Variants in DNM1L observed in about 807,000 individuals in gnomAD.
DNM1L encodes the protein dynamin-1-like protein.
DNM1L carries 33 observed loss-of-function variants against 92.8 expected under a neutral mutation model. The observed-to-expected ratio is 0.36, with a 90% CI of 0.27 to 0.48. The LOEUF (loss-of-function observed/expected upper bound fraction) is 0.48, where lower values mean the gene tolerates loss of function less well. Among genes scored for constraint, DNM1L ranks in the 20% least tolerant of loss-of-function variants. The pLI, the probability that DNM1L is intolerant of heterozygous loss-of-function variation, is 0.99. For missense variants in DNM1L, 485 were observed against 888.8 expected (o/e 0.55, Z 5.78); for synonymous variants, 284 against 305.0 (o/e 0.93, Z 0.72).
intron 9 of DNM1L, among the ~76,000 whole-genome samples, chr12:32,724,104 A>C (rs755374791): frequency 3.9e-5 from 6 of 152,226 alleles, no homozygotes; most frequent in Non-Finnish European, 7.3e-5. Context: ...GAGGTATTGT[A>C]AATGTGGCAC....
At chr12:32,725,593 C>G (rs187631376) in intron 9 of DNM1L, 2 of 152,134 alleles carry the variant, frequency 1.3e-5, no homozygotes, top group East Asian at 3.9e-4. Flanking sequence ...AATTCTTAAC[C>G]ATATAGTTGT....
chr12:32,704,160 G>T (rs1952823253), intron 2 of DNM1L, among the ~76,000 whole-genome samples: 2 of 152,114 alleles, frequency 1.3e-5, no homozygotes, highest in Middle Eastern at 3.4e-3. Flanking sequence ...TCTGAACAGT[G>T]TCAGTAGAAA....
chr12:32,729,830 C>T (rs912486344), intron 9 of DNM1L, among the ~76,000 whole-genome samples: 1 of 152,018 alleles, frequency 6.6e-6, no homozygotes, highest in Non-Finnish European at 1.5e-5. Context: ...CAGTATTTGT[C>T]CTTTTGTGCT....
intron 1 of DNM1L, among the ~76,000 whole-genome samples, chr12:32,691,282 AGGCT>A (rs1952222143): frequency 6.6e-6 from 1 of 152,098 alleles, no homozygotes; most frequent in Non-Finnish European, 1.5e-5. Context: ...CTCTGTCGCC[AGGCT>A]GGAGTGCAGA....
At chr12:32,728,009 C>T (rs1954266974) in intron 9 of DNM1L, among the ~76,000 whole-genome samples, 1 of 152,202 alleles carries the variant, frequency 6.6e-6, no homozygotes, top group African/African-American at 2.4e-5. Context: ...TCTCTACACC[C>T]TCATTAGAAC....
intron 8 of DNM1L, 108 bp downstream of exon 8, chr12:32,720,903 A>T (rs1953771228): frequency 2.1e-6 from 3 of 1,431,698 alleles, no homozygotes; most frequent in Non-Finnish European, 2.9e-6. Context: ...TAACAGCTTC[A>T]CTTATGGTTT....
chr12:32,716,741 A>AATAT (rs1565516248), intron 6 of DNM1L, among the ~76,000 whole-genome samples: 9 of 119,796 alleles, frequency 7.5e-5, no homozygotes, highest in Non-Finnish European at 1.4e-4. Flanking sequence ...CACTATATAT[A>AATAT]GTATATATAT....
intron 1 of DNM1L, among the ~76,000 whole-genome samples, chr12:32,687,474 A>G (rs576003638): frequency 5.9e-5 from 9 of 151,996 alleles, no homozygotes; most frequent in South Asian, 2.1e-4. Context: ...ACAGGGTCTC[A>G]CTCTGTCACC....
At chr12:32,724,326 C>A (rs1489983215) in intron 9 of DNM1L, among the ~76,000 whole-genome samples, 1 of 151,882 alleles carries the variant, frequency 6.6e-6, no homozygotes, top group Non-Finnish European at 1.5e-5. Context: ...GCCTGTAATC[C>A]CAGCACTTTG....
At chr12:32,697,089 TGTG>T (rs1227746295) in intron 1 of DNM1L, among the ~76,000 whole-genome samples, 1 of 151,154 alleles carries the variant, frequency 6.6e-6, no homozygotes, top group African/African-American at 2.4e-5. Context: ...ATTAGCCAGG[TGTG>T]GTGGCATGTA....
intron 18 of DNM1L, among the ~76,000 whole-genome samples, chr12:32,742,326 A>G (rs1336192582): frequency 1.3e-5 from 2 of 151,884 alleles, no homozygotes; most frequent in Non-Finnish European, 2.9e-5. Context: ...CTGCTGTCAA[A>G]CTCCTGGCCT....
rs1427821059 is a variant in DNM1L, at chr12:32,743,284, A to G, written c.2155-70A>G. ...CTACCACATATATATTGGAAAAATTACCCTGCGTAATTCAGATTAATTTCA... is the reference window on the plus strand; with the variant it reads ...CTACCACATATATATTGGAAAAATTGCCCTGCGTAATTCAGATTAATTTCA... On this transcript the variant is annotated intron_variant, in intron 19 of 19. Coordinates refer to ENST00000549701, the MANE Select transcript of DNM1L (RefSeq NM_012062.5). 1.8e-5 allele frequency: 25 copies of G among 1,390,410 alleles called. No homozygotes were observed. The Admixed American group carries it at 4.5e-4, about 25-fold the overall frequency. 86.1% of individuals were successfully genotyped at this position (1,390,410 alleles called of 1,614,324 possible).
chr12:32,687,711 A>G (rs181491107), intron 1 of DNM1L, among the ~76,000 whole-genome samples: 1 of 152,172 alleles, frequency 6.6e-6, no homozygotes, highest in African/African-American at 2.4e-5. Flanking sequence ...CGGCCTCCCA[A>G]AGTGCTGGGA....
At chr12:32,686,097 C>T (rs1952003023) in intron 1 of DNM1L, among the ~76,000 whole-genome samples, 1 of 128,638 alleles carries the variant, frequency 7.8e-6, no homozygotes, top group Admixed American at 9.6e-5. Context: ...GTTGCCCAGG[C>T]TGGAGTGCAA....
In DNM1L at chr12:32,686,928, CTTTTTTTTCTTTTTT is replaced by C. The variant is rs367962847; in HGVS notation, c.102+7472_102+7486del. ...TCTTATTGTTGAGGTTGTAAGAGTT[CTTTTTTTTCTTTTTT>C]TTTTTTTTTTTTTGAGATGGAGTCT... On this transcript the variant is annotated intron_variant, in intron 1 of 19. Transcript: ENST00000549701. Among the ~76,000 whole-genome samples the C allele has an allele frequency of 2.7e-3, 334 of 121,636 alleles. 4 individuals are homozygous for C. In the Middle Eastern group the frequency reaches 0.028, roughly 10 times the overall value. 79.8% of individuals were successfully genotyped at this position (121,636 alleles called of 152,430 possible).
chr12:32,729,961 G>A (rs191675476), intron 9 of DNM1L, among the ~76,000 whole-genome samples: 360 of 152,156 alleles, frequency 2.4e-3, no homozygotes, highest in Non-Finnish European at 2.3e-3. Context: ...GCATTATAAA[G>A]GTATTTGTAG....
At chr12:32,686,247 A>G (rs968270556) in intron 1 of DNM1L, among the ~76,000 whole-genome samples, 1 of 152,022 alleles carries the variant, frequency 6.6e-6, no homozygotes, top group Non-Finnish European at 1.5e-5. Context: ...GGGTTTCTCC[A>G]TGTTGGTCAG....
chr12:32,706,059 A>G (rs1296378138), intron 2 of DNM1L: 2 of 464,662 alleles, frequency 4.3e-6, no homozygotes, highest in African/African-American at 4.1e-5. Context: ...GGTGAATGTA[A>G]TTTATTTTAT....
rs1234936490 is a variant in DNM1L at position 32,744,327 on chromosome 12, G to C, written c.*917G>C. The C allele has an allele frequency of 6.5e-6, 1 of 153,724 alleles. No homozygotes were observed. The highest frequency in any genetic ancestry group is 1.4e-5 in the Non-Finnish European group (1 of 69,298). 9.5% of individuals were successfully genotyped at this position (153,724 alleles called of 1,614,324 possible). A position where few individuals can be genotyped will look rare whatever the true frequency, so the allele number is the denominator to read the frequency against. On this transcript the variant is annotated 3_prime_UTR_variant, in exon 20 of 20. Transcript: ENST00000549701. ...GGAACTTAAAACCAGTGTACTGTATGTATGCATTGGTAATAGCTACTTTTG... is the reference window on the plus strand; with the variant it reads ...GGAACTTAAAACCAGTGTACTGTATCTATGCATTGGTAATAGCTACTTTTG...
Sources: allele counts gnomAD v4.1 joint callset (sites outside exome capture counted in the v4.1 genomes callset), GRCh38; gene constraint gnomAD v4.1.1; transcripts MANE v1.5; gene names NCBI Gene and HGNC (gene_info 2026-07-23, HGNC 2026-07-21).